RALYL: variants seen among roughly 807,000 people sequenced by gnomAD.
The protein encoded by RALYL is RNA-binding Raly-like protein.
In RALYL, 29 loss-of-function variants were observed where a neutral mutation model predicts 35.1. The observed-to-expected ratio is 0.83, with a 90% CI of 0.61 to 1.13. The LOEUF (loss-of-function observed/expected upper bound fraction) is 1.13, where lower values mean the gene tolerates loss of function less well. Among genes scored for constraint, RALYL ranks in the 50% most tolerant of loss-of-function variants. RALYL has a pLI of 0.00. For synonymous variants in RALYL, 120 were observed against 127.6 expected, an observed-to-expected ratio of 0.94 and a Z score of 0.40; for missense variants, 359 against 360.4, an observed-to-expected ratio of 1.00 and a Z score of 0.03.
intron 1 of RALYL, among the ~76,000 whole-genome samples, chr8:84,510,565 C>T (rs2057524961): frequency 2.0e-5 from 3 of 152,156 alleles, no homozygotes. Context: ...AATCCCACCA[C>T]TTTGGGAGGC....
chr8:84,759,990 C>A (rs1357500562), intron 2 of RALYL, among the ~76,000 whole-genome samples: 4 of 152,138 alleles, frequency 2.6e-5, no homozygotes, highest in Non-Finnish European at 1.5e-5. Flanking sequence ...TGAGGAATCA[C>A]ATGTTGCCCC....
At chr8:84,385,007 C>T (rs1858875629) in intron 1 of RALYL, among the ~76,000 whole-genome samples, 1 of 151,698 alleles carries the variant, frequency 6.6e-6, no homozygotes, top group Non-Finnish European at 1.5e-5. Context: ...TAAAGAGAAC[C>T]TATTGGTACA....
intron 1 of RALYL, among the ~76,000 whole-genome samples, chr8:84,381,452 C>T (rs1857981830): frequency 6.6e-6 from 1 of 151,804 alleles, no homozygotes; most frequent in African/African-American, 2.4e-5. Context: ...TCCATCTTTC[C>T]ACCTTTCAAA....
chr8:84,311,090 A>AT lies in RALYL; in HGVS notation c.-24+126666_-24+126667insT, dbSNP rs1481265344. Among the ~76,000 whole-genome samples the AT allele has an allele frequency of 5.2e-3, 520 of 99,740 alleles. 60 individuals are homozygous for AT. The highest frequency in any genetic ancestry group is 0.013 in the East Asian group (37 of 2,856). The allele number at this position is 99,740 out of a possible 152,430, so 65.4% of individuals were successfully genotyped here. On this transcript the variant is annotated intron_variant, in intron 1 of 8. Coordinates refer to ENST00000521268, the MANE Select transcript of RALYL (RefSeq NM_173848.7). The stretch of plus-strand genomic sequence containing the variant: ...AAAAAAAAAAAAAAAAAAAAAAAAA[A>AT]ATGTATATTAATGTATAGTATAAAT...
intron 2 of RALYL, among the ~76,000 whole-genome samples, chr8:84,692,316 C>T (rs1009205790): frequency 2.0e-5 from 3 of 151,852 alleles, no homozygotes; most frequent in Non-Finnish European, 4.4e-5. Flanking sequence ...ATGGACTGCT[C>T]AGTTAGAATT....
chr8:84,673,909 G>C (rs565184918), intron 2 of RALYL, among the ~76,000 whole-genome samples: 24 of 152,268 alleles, frequency 1.6e-4, no homozygotes, highest in South Asian at 1.5e-3. Context: ...TTCTAATTCT[G>C]TGAAGAATGG....
At chr8:84,491,318 AT>A (rs71562398) in intron 1 of RALYL, among the ~76,000 whole-genome samples, 2 of 151,942 alleles carry the variant, frequency 1.3e-5, no homozygotes, top group African/African-American at 4.8e-5. Flanking sequence ...GGCTTATTTT[AT>A]TTTTCCCCTT....
At chr8:84,531,283 G>A (rs1330058803) in intron 2 of RALYL, among the ~76,000 whole-genome samples, 1 of 152,052 alleles carries the variant, frequency 6.6e-6, no homozygotes, top group Non-Finnish European at 1.5e-5. Context: ...TATTTGGGAA[G>A]GTATGAATTC....
At chr8:84,284,716 A>C (rs1450228567) in intron 1 of RALYL, among the ~76,000 whole-genome samples, 4 of 152,218 alleles carry the variant, frequency 2.6e-5, no homozygotes, top group Non-Finnish European at 5.9e-5. Flanking sequence ...GAAGTCATTA[A>C]TTGGAAAGAG....
At chr8:84,752,946 T>C (rs1810432967) in intron 2 of RALYL, among the ~76,000 whole-genome samples, 2 of 152,134 alleles carry the variant, frequency 1.3e-5, no homozygotes, top group South Asian at 4.2e-4. Flanking sequence ...CACTGCTTAG[T>C]GGAGCTGTGA....
chr8:84,466,556 T>C (rs1352559863), intron 1 of RALYL, among the ~76,000 whole-genome samples: 1 of 151,606 alleles, frequency 6.6e-6, no homozygotes, highest in East Asian at 1.9e-4. Flanking sequence ...AGTATTTTAT[T>C]GAGGATTTTT....
chr8:84,741,569 C>T (rs1807312203), intron 2 of RALYL, among the ~76,000 whole-genome samples: 1 of 151,918 alleles, frequency 6.6e-6, no homozygotes, highest in Admixed American at 6.6e-5. Flanking sequence ...TTCTCTCCAG[C>T]CCTTTTACAA....
chr8:84,596,172 C>A (rs2130648224), intron 2 of RALYL, among the ~76,000 whole-genome samples: 1 of 152,148 alleles, frequency 6.6e-6, no homozygotes, highest in Admixed American at 6.6e-5. Flanking sequence ...GTTTTTGGTT[C>A]TACATAAATA....
At chr8:84,350,412 C>A (rs1217285095) in intron 1 of RALYL, among the ~76,000 whole-genome samples, 1 of 150,386 alleles carries the variant, frequency 6.6e-6, no homozygotes, top group Non-Finnish European at 1.5e-5. Context: ...TAAATATTTG[C>A]CTATGAATTT....
intron 1 of RALYL, among the ~76,000 whole-genome samples, chr8:84,237,987 GA>G (rs1826968296): frequency 7.0e-6 from 1 of 142,650 alleles, no homozygotes; most frequent in Non-Finnish European, 1.5e-5. Context: ...AAAAAAAGAA[GA>G]AAAAAGTGCA....
chr8:84,728,567 G>A (rs1336180458), intron 2 of RALYL, among the ~76,000 whole-genome samples: 1 of 151,988 alleles, frequency 6.6e-6, no homozygotes, highest in Non-Finnish European at 1.5e-5. Flanking sequence ...TGTCCTGAAT[G>A]GTAATGCCTA....
At chr8:84,276,016 T>C (rs1835307063) in intron 1 of RALYL, among the ~76,000 whole-genome samples, 2 of 152,182 alleles carry the variant, frequency 1.3e-5, no homozygotes, top group Admixed American at 1.3e-4. Context: ...AACATCACAT[T>C]GCTTTTTTAT....
At chr8:84,882,027 G>C (rs902838381) in intron 7 of RALYL, among the ~76,000 whole-genome samples, 1 of 151,906 alleles carries the variant, frequency 6.6e-6, no homozygotes, top group African/African-American at 2.4e-5. Flanking sequence ...AGCCTACATT[G>C]CAGTATATTT....
At chr8:84,516,407 A>G (rs1344281270) in intron 1 of RALYL, among the ~76,000 whole-genome samples, 9 of 139,828 alleles carry the variant, frequency 6.4e-5, no homozygotes, top group Admixed American at 5.0e-4. Flanking sequence ...AATTTCATAA[A>G]TGAAACCCTA....
Sources: gnomAD v4.1 joint callset for allele counts (sites outside exome capture counted in the v4.1 genomes callset) on GRCh38, gnomAD v4.1.1 for gene constraint, MANE v1.5 for transcripts, NCBI Gene and HGNC (gene_info 2026-07-23, HGNC 2026-07-21) for gene names.